Variants in PCED1B observed in about 807,000 individuals in gnomAD.
PCED1B encodes PC-esterase domain-containing protein 1B.
For synonymous variants in PCED1B, 251 were observed against 246.1 expected (o/e 1.02, Z -0.19); for missense variants, 573 against 573.9 (o/e 1.00, Z 0.02).
At chr12:47,101,544 A>G (rs887327621) in intron 1 of PCED1B, among the ~76,000 whole-genome samples, 2 of 152,220 alleles carry the variant, frequency 1.3e-5, no homozygotes, top group Non-Finnish European at 2.9e-5. Context: ...TTCAGTAGCC[A>G]TTCTACATTA....
chr12:47,137,674 G>A (rs562741908), intron 2 of PCED1B, among the ~76,000 whole-genome samples: 19 of 146,784 alleles, frequency 1.3e-4, no homozygotes, highest in African/African-American at 4.5e-4. Context: ...GCTGCATTGA[G>A]CTGAAATCAT....
intron 3 of PCED1B, among the ~76,000 whole-genome samples, chr12:47,219,624 G>A (rs953347430): frequency 5.9e-5 from 9 of 152,102 alleles, no homozygotes; most frequent in African/African-American, 2.2e-4. Context: ...GTTTTCCATC[G>A]GCTTTTAAGA....
chr12:47,199,171 CA>C (rs1171608144), intron 2 of PCED1B, among the ~76,000 whole-genome samples: 1 of 151,904 alleles, frequency 6.6e-6, no homozygotes, highest in Non-Finnish European at 1.5e-5. Flanking sequence ...ACATTTGCAC[CA>C]AAAAATTACT....
chr12:47,194,837 G>T (rs563689632), intron 2 of PCED1B, among the ~76,000 whole-genome samples: 2 of 152,112 alleles, frequency 1.3e-5, no homozygotes, highest in African/African-American at 2.4e-5. Context: ...AGAGTAAATG[G>T]CATTGTTGTG....
chr12:47,098,067 T>C (rs753697273), intron 1 of PCED1B, among the ~76,000 whole-genome samples: 5 of 152,334 alleles, frequency 3.3e-5, no homozygotes, highest in Non-Finnish European at 7.3e-5. Context: ...GTTGACATGC[T>C]TTGGGGCATT....
At chr12:47,183,625 G>A (rs960071709) in intron 2 of PCED1B, among the ~76,000 whole-genome samples, 1 of 151,906 alleles carries the variant, frequency 6.6e-6, no homozygotes, top group Non-Finnish European at 1.5e-5. Context: ...CCCATTGAAC[G>A]GGTATTTTAC....
intron 3 of PCED1B, among the ~76,000 whole-genome samples, chr12:47,219,539 C>G (rs1004075291): frequency 1.3e-5 from 2 of 152,172 alleles, no homozygotes; most frequent in African/African-American, 4.8e-5. Flanking sequence ...TTAATTCAGC[C>G]ACTGGTTGGA....
intron 2 of PCED1B, among the ~76,000 whole-genome samples, chr12:47,139,893 T>C (rs2137401804): frequency 6.6e-6 from 1 of 152,102 alleles, no homozygotes; most frequent in South Asian, 2.1e-4. Flanking sequence ...CTGTGTGGTG[T>C]GGTAGGTGTA....
intron 2 of PCED1B, among the ~76,000 whole-genome samples, chr12:47,129,797 G>A (rs569303962): frequency 1.4e-4 from 22 of 152,184 alleles, no homozygotes; most frequent in South Asian, 4.1e-4. Context: ...CAGGAACTCC[G>A]AGGGACCCCA....
intron 2 of PCED1B, among the ~76,000 whole-genome samples, chr12:47,212,397 T>C (rs1565604494): frequency 6.6e-6 from 1 of 152,358 alleles, no homozygotes; most frequent in East Asian, 1.9e-4. Flanking sequence ...CATTAAATTA[T>C]TCTCTGTAAA....
intron 2 of PCED1B, among the ~76,000 whole-genome samples, chr12:47,163,210 C>T (rs981908991): frequency 3.3e-5 from 5 of 152,002 alleles, no homozygotes; most frequent in African/African-American, 1.2e-4. Flanking sequence ...ATTTTCTTTT[C>T]AGATGGTTCA....
intron 2 of PCED1B, among the ~76,000 whole-genome samples, chr12:47,151,415 G>GTCTAGATTGTGTATGTGCAGTCTACA (rs1565569659): frequency 6.6e-6 from 1 of 152,134 alleles, no homozygotes; most frequent in Admixed American, 6.5e-5. Context: ...AGGCTATAAC[G>GTCTAGATTGTGTATGTGCAGTCTACA]TCTAGATTGT....
intron 2 of PCED1B, among the ~76,000 whole-genome samples, chr12:47,189,981 C>A (rs567838342): frequency 2.6e-5 from 4 of 152,286 alleles, no homozygotes; most frequent in Admixed American, 2.0e-4. Context: ...TTGGCCACTC[C>A]CAGTCCCACA....
rs568274577 is a variant in PCED1B at position 47,096,420 on chromosome 12, C to CATTATAT, written c.-608-7676_-608-7670dup. Among the ~76,000 whole-genome samples the CATTATAT allele has an allele frequency of 5.2e-3, 779 of 150,266 alleles. 5 individuals are homozygous for CATTATAT. The highest frequency in any genetic ancestry group is 0.017 in the African/African-American group (699 of 41,114). On this transcript the variant is annotated intron_variant, in intron 1 of 3. Coordinates refer to ENST00000546455, the MANE Select transcript of PCED1B (RefSeq NM_138371.3). ...ATTTATCTTCTTTATATATAATACA[C>CATTATAT]ATTATATATTATATATTATATATGG...
intron 1 of PCED1B, among the ~76,000 whole-genome samples, chr12:47,097,777 GGA>G (rs1938541124): frequency 1.3e-5 from 2 of 152,178 alleles, no homozygotes; most frequent in South Asian, 4.1e-4. Context: ...TACAGTTTTC[GGA>G]TGAATGAATG....
intron 2 of PCED1B, among the ~76,000 whole-genome samples, chr12:47,199,390 T>C (rs1176806397): frequency 6.6e-6 from 1 of 152,158 alleles, no homozygotes; most frequent in Non-Finnish European, 1.5e-5. Context: ...ATATTAATAA[T>C]TTTATTTTAA....
intron 3 of PCED1B, among the ~76,000 whole-genome samples, chr12:47,227,266 G>A (rs1412092146): frequency 1.3e-5 from 2 of 152,042 alleles, no homozygotes; most frequent in Non-Finnish European, 2.9e-5. Context: ...CCACCTCCCG[G>A]GTTCAAGCGA....
intron 2 of PCED1B, among the ~76,000 whole-genome samples, chr12:47,143,866 A>T (rs1940688112): frequency 6.6e-6 from 1 of 152,218 alleles, no homozygotes; most frequent in Non-Finnish European, 1.5e-5. Flanking sequence ...ATAGACACAT[A>T]GATAAACAAA....
At chr12:47,135,484 T>C (rs1254857889) in intron 2 of PCED1B, 4 of 443,380 alleles carry the variant, frequency 9.0e-6, no homozygotes, top group South Asian at 1.9e-5. Context: ...CTGTCTCCTG[T>C]TCTATCGAGA....
Sources: allele counts gnomAD v4.1 joint callset (sites outside exome capture counted in the v4.1 genomes callset), GRCh38; gene constraint gnomAD v4.1.1; transcripts MANE v1.5; gene names NCBI Gene and HGNC (gene_info 2026-07-23, HGNC 2026-07-21).